The following ELP4 variants were observed in gnomAD, a reference collection of about 807,000 sequenced individuals.
ELP4 encodes elongator acetyltransferase complex subunit 4.
In ELP4, 51 loss-of-function variants were observed where a neutral mutation model predicts 48.9. That is an observed-to-expected ratio of 1.04 (90% CI 0.83 to 1.32). The LOEUF (loss-of-function observed/expected upper bound fraction) is 1.32, where lower values mean the gene tolerates loss of function less well. ELP4 is among the 40% of genes most tolerant of loss of function. The pLI is 0.00. For synonymous variants in ELP4, 210 were observed against 189.2 expected (o/e 1.11, Z -0.90); for missense variants, 519 against 514.6 (o/e 1.01, Z -0.08).
At chr11:31,734,680 A>C (rs979865695) in intron 9 of ELP4, among the ~76,000 whole-genome samples, 2 of 152,236 alleles carry the variant, frequency 1.3e-5, no homozygotes, top group African/African-American at 2.4e-5. Flanking sequence ...TTGTACACTG[A>C]AAACTATAAA....
At chr11:31,552,174 T>C (rs1425414517) in intron 3 of ELP4, among the ~76,000 whole-genome samples, 1 of 152,194 alleles carries the variant, frequency 6.6e-6, no homozygotes. Flanking sequence ...TTCTCCTAAC[T>C]AGCCACTTTA....
intron 3 of ELP4, among the ~76,000 whole-genome samples, chr11:31,570,177 G>A (rs1239936121): frequency 6.6e-6 from 1 of 152,182 alleles, no homozygotes; most frequent in Admixed American, 6.5e-5. Flanking sequence ...ATACTATGCA[G>A]CCATAAAGAA....
intron 3 of ELP4, among the ~76,000 whole-genome samples, chr11:31,579,073 G>A (rs1251119287): frequency 6.6e-6 from 1 of 152,184 alleles, no homozygotes; most frequent in Admixed American, 6.5e-5. Context: ...AATCTACAAA[G>A]AGCTTAAACA....
At chr11:31,693,820 A>T (rs1053705925) in intron 9 of ELP4, among the ~76,000 whole-genome samples, 2 of 151,970 alleles carry the variant, frequency 1.3e-5, no homozygotes, top group Non-Finnish European at 2.9e-5. Flanking sequence ...TTCTCCAGCA[A>T]CTGTTGTTTC....
chr11:31,652,983 G>A (rs191418749), intron 9 of ELP4: 1 of 151,628 alleles, frequency 6.6e-6, no homozygotes, highest in Non-Finnish European at 1.5e-5. Context: ...CTTTTTACTA[G>A]CAGCTACCAA....
At chr11:31,761,458 A>G (rs1947943238) in intron 9 of ELP4, among the ~76,000 whole-genome samples, 1 of 152,210 alleles carries the variant, frequency 6.6e-6, no homozygotes, top group Non-Finnish European at 1.5e-5. Flanking sequence ...GGAAGGAGTC[A>G]ATATACTTTT....
Position 31,785,222 on chromosome 11 carries a change from A to G in ELP4, c.*1698A>G, listed in dbSNP as rs1948520678. The G allele has an allele frequency of 5.5e-6, 1 of 183,454 alleles. No homozygotes were observed. The highest frequency in any genetic ancestry group is 2.0e-4 in the South Asian group (1 of 5,116). The allele number at this position is 183,454 out of a possible 1,614,324, so 11.4% of individuals were successfully genotyped here. The stretch of plus-strand genomic sequence containing the variant: ...GCTATGTCCTTTGAAAGCATTATGA[A>G]CATTCTGAATAAATTCAAATGAGTA... On this transcript the variant is annotated 3_prime_UTR_variant, in exon 10 of 10. Transcript: ENST00000640961.
At chr11:31,696,260 A>C (rs1434948058) in intron 9 of ELP4, among the ~76,000 whole-genome samples, 1 of 152,008 alleles carries the variant, frequency 6.6e-6, no homozygotes, top group African/African-American at 2.4e-5. Context: ...TTGTGATGTT[A>C]GGGTGTCAAT....
chr11:31,555,959 T>C (rs577063513), intron 3 of ELP4, among the ~76,000 whole-genome samples: 2 of 152,020 alleles, frequency 1.3e-5, no homozygotes, highest in East Asian at 3.9e-4. Flanking sequence ...TTTTATGATA[T>C]ATGATTGGGA....
chr11:31,733,249 G>C (rs1359474714), intron 9 of ELP4, among the ~76,000 whole-genome samples: 4 of 152,100 alleles, frequency 2.6e-5, no homozygotes, highest in African/African-American at 4.8e-5. Flanking sequence ...GCTGAGGCGG[G>C]TGGATCACTT....
chr11:31,668,445 A>G (rs10835800), intron 9 of ELP4, among the ~76,000 whole-genome samples: 92,108 of 151,828 alleles, frequency 0.61, 31,697 homozygotes, highest in Non-Finnish European at 0.76. Flanking sequence ...TTTGTTTCAT[A>G]CATCACAAAG....
In ELP4 at chr11:31,790,194, A is replaced by C; in HGVS notation, c.*6670A>C. 1 of 618,844 alleles carries C rather than the reference A, an allele frequency of 1.6e-6. No individual in the cohort carries two copies. The highest frequency in any genetic ancestry group is 2.8e-6 in the Non-Finnish European group (1 of 357,108). 38.3% of individuals were successfully genotyped at this position (618,844 alleles called of 1,614,324 possible). On this transcript the variant is annotated 3_prime_UTR_variant, in exon 10 of 10. Transcript: ENST00000640961. The stretch of plus-strand genomic sequence containing the variant: ...ACAAATAAAAGTAGCACCTTCAGAA[A>C]CTAGACAATATATGTATATATACCT...
chr11:31,772,353 G>C (rs1468847221), intron 9 of ELP4, among the ~76,000 whole-genome samples: 2 of 152,078 alleles, frequency 1.3e-5, no homozygotes, highest in Non-Finnish European at 2.9e-5. Context: ...GTCTCAAACT[G>C]CTGGCCTTAG....
At chr11:31,748,121 T>G (rs1275620573) in intron 9 of ELP4, among the ~76,000 whole-genome samples, 1 of 152,226 alleles carries the variant, frequency 6.6e-6, no homozygotes, top group African/African-American at 2.4e-5. Context: ...ATCCTCCAAT[T>G]GTTTCCTTTT....
At chr11:31,750,156 G>A (rs765475869) in intron 9 of ELP4, among the ~76,000 whole-genome samples, 2 of 151,970 alleles carry the variant, frequency 1.3e-5, no homozygotes, top group African/African-American at 2.4e-5. Flanking sequence ...GAGCCACCAC[G>A]CCCGGCCAAC....
chr11:31,650,780 T>C (rs1048329447), intron 9 of ELP4: 1 of 151,784 alleles, frequency 6.6e-6, no homozygotes, highest in Non-Finnish European at 1.5e-5. Context: ...AAAATATTTA[T>C]TTCAACTTAA....
chr11:31,748,028 A>T (rs1947634678), intron 9 of ELP4, among the ~76,000 whole-genome samples: 1 of 152,224 alleles, frequency 6.6e-6, no homozygotes, highest in East Asian at 1.9e-4. Context: ...AAGAGCTCTT[A>T]TAAGAATATG....
intron 9 of ELP4, among the ~76,000 whole-genome samples, chr11:31,737,914 T>C (rs1434432835): frequency 6.6e-6 from 1 of 152,168 alleles, no homozygotes; most frequent in Non-Finnish European, 1.5e-5. Context: ...AATTTACATA[T>C]GATGCAGCAA....
At chr11:31,670,725 A>G (rs1203334638) in intron 9 of ELP4, among the ~76,000 whole-genome samples, 1 of 152,174 alleles carries the variant, frequency 6.6e-6, no homozygotes, top group African/African-American at 2.4e-5. Context: ...CATGTTTCTC[A>G]GATTTTGTTC....
Sources: gnomAD v4.1 joint callset for allele counts (sites outside exome capture counted in the v4.1 genomes callset) on GRCh38, gnomAD v4.1.1 for gene constraint, MANE v1.5 for transcripts, NCBI Gene and HGNC (gene_info 2026-07-23, HGNC 2026-07-21) for gene names.